SCEL: variants seen among roughly 807,000 people sequenced by gnomAD.
SCEL encodes the protein sciellin.
A neutral mutation model predicts 117.6 loss-of-function variants in SCEL; 113 were observed. The ratio of observed to expected loss-of-function variants is 0.96; its 90% confidence interval spans 0.83 to 1.12. SCEL has a LOEUF of 1.12. SCEL is among the 50% of genes most tolerant of loss of function. The pLI is 0.00. For missense variants in SCEL, 785 were observed against 810.8 expected (o/e 0.97, Z 0.39); for synonymous variants, 270 against 256.2 (o/e 1.05, Z -0.51).
chr13:77,644,287 G>A lies in SCEL; in HGVS notation c.*13G>A, dbSNP rs1444598247. On this transcript the variant is annotated 3_prime_UTR_variant, in exon 33 of 33. Transcript: ENST00000349847. ...GTGGATTCCATAACTCTGGCACAAG[G>A]AAATCAAGATGAAAAGCACTCATTA... is the stretch of plus-strand genomic sequence containing the variant. 1.9e-6 allele frequency: 3 copies of A among 1,612,504 alleles called. No individual in the cohort carries two copies. The highest frequency in any genetic ancestry group is 1.7e-6 in the Non-Finnish European group (2 of 1,178,942).
At chr13:77,557,118 T>C (rs534423077) in intron 3 of SCEL, among the ~76,000 whole-genome samples, 3 of 152,350 alleles carry the variant, frequency 2.0e-5, no homozygotes, top group African/African-American at 7.2e-5. Context: ...AAATTTAACA[T>C]ATAAAATTTT....
intron 5 of SCEL, among the ~76,000 whole-genome samples, chr13:77,565,799 G>C (rs1214825456): frequency 6.6e-6 from 1 of 152,162 alleles, no homozygotes; most frequent in Non-Finnish European, 1.5e-5. Flanking sequence ...AAATAAATGT[G>C]TATGTAGCAT....
rs1182138355 is a variant in SCEL at position 77,559,869 on chromosome 13, T to TA, written c.221+6_221+7insA. On this transcript the variant is annotated splice_region_variant and intron_variant, in intron 4 of 32. Coordinates refer to ENST00000349847, the MANE Select transcript of SCEL (RefSeq NM_144777.3). ...TCCCATGATGCATTGGACAGGTGGG[T>TA]GTTTAGACATGTTACATCATGAGCA... The TA allele has an allele frequency of 1.9e-6, 3 of 1,608,748 alleles. No individual in the cohort carries two copies. The highest frequency in any genetic ancestry group is 2.6e-6 in the Non-Finnish European group (3 of 1,175,430).
intron 18 of SCEL, 98 bp downstream of exon 18, chr13:77,603,233 C>T: frequency 3.1e-6 from 2 of 655,322 alleles, no homozygotes; most frequent in South Asian, 4.5e-5. Flanking sequence ...GTTTTATTAG[C>T]ATGGAATTAG....
chr13:77,539,506 C>T (rs954474442), intron 1 of SCEL, among the ~76,000 whole-genome samples: 1 of 151,864 alleles, frequency 6.6e-6, no homozygotes, highest in Non-Finnish European at 1.5e-5. Flanking sequence ...GTCAAAAGTT[C>T]CAATAGAATA....
intron 4 of SCEL, among the ~76,000 whole-genome samples, chr13:77,562,087 G>A (rs1186791837): frequency 1.3e-5 from 2 of 152,216 alleles, no homozygotes; most frequent in Non-Finnish European, 2.9e-5. Flanking sequence ...AATAGCACCT[G>A]TAGGAGGCCT....
chr13:77,567,815 T>C, intron 6 of SCEL, 67 bp downstream of exon 6: 1 of 962,070 alleles, frequency 1.0e-6, no homozygotes, highest in South Asian at 1.5e-5. Context: ...ACCTATGTAC[T>C]TGCAATTCTT....
chr13:77,641,598 A>G (rs181517173), intron 31 of SCEL, among the ~76,000 whole-genome samples: 28 of 152,298 alleles, frequency 1.8e-4, no homozygotes, highest in Non-Finnish European at 2.8e-4. Context: ...GACCAGCCCC[A>G]GTTAAATCAT....
chr13:77,571,415 G>A (rs957121277), intron 8 of SCEL, among the ~76,000 whole-genome samples: 54 of 149,694 alleles, frequency 3.6e-4, no homozygotes, highest in African/African-American at 1.3e-3. Flanking sequence ...GAAGCTGGGC[G>A]CAGTGGCTCA....
intron 13 of SCEL, among the ~76,000 whole-genome samples, chr13:77,598,256 T>C (rs544035803): frequency 6.6e-6 from 1 of 152,346 alleles, no homozygotes; most frequent in South Asian, 2.1e-4. Context: ...AGGCTTGTGT[T>C]TGTGGTAAGT....
rs941504181 is a variant in SCEL at position 77,644,604 on chromosome 13, T to C, written c.*330T>C. 3.1e-5 allele frequency: 6 copies of C among 194,116 alleles called. No homozygotes were observed. The East Asian group carries it at 7.2e-4, about 23-fold the overall frequency. The allele number at this position is 194,116 out of a possible 1,614,324, so 12.0% of individuals were successfully genotyped here. A position where few individuals can be genotyped will look rare whatever the true frequency, so the allele number is the denominator to read the frequency against. On this transcript the variant is annotated 3_prime_UTR_variant, in exon 33 of 33. Coordinates refer to ENST00000349847, the MANE Select transcript of SCEL (RefSeq NM_144777.3). ...GTGGTGGTTTCCATTTAAACCAAGT[T>C]TCTCATTTCTTCACCTTTTTTTCTC...
intron 8 of SCEL, 49 bp from the exon 9 acceptor site, chr13:77,572,075 G>T (rs749239088): frequency 6.8e-7 from 1 of 1,464,840 alleles, no homozygotes; most frequent in Non-Finnish European, 9.6e-7. Context: ...CATGTGGGTG[G>T]GATCAGCCTT....
intron 18 of SCEL, 173 bp from the exon 19 acceptor site, chr13:77,604,183 G>T (rs1228931524): frequency 9.0e-6 from 4 of 443,180 alleles, no homozygotes; most frequent in South Asian, 4.3e-5. Flanking sequence ...AACATTAAAT[G>T]GTCTTCAGCT....
intron 12 of SCEL, 33 bp downstream of exon 12, chr13:77,593,606 A>T (rs879047875): frequency 6.4e-7 from 1 of 1,563,718 alleles, no homozygotes; most frequent in Admixed American, 1.7e-5. Flanking sequence ...CTTGGGTTTT[A>T]TCTTCCCTGG....
At chr13:77,593,296 GTC>G (rs1491404262) in intron 11 of SCEL, among the ~76,000 whole-genome samples, 24 of 53,598 alleles carry the variant, frequency 4.5e-4, no homozygotes, top group African/African-American at 1.5e-3. Flanking sequence ...GTGTGTGTGT[GTC>G]TGTGTGTGTG....
chr13:77,576,066 T>C (rs1217693071), intron 9 of SCEL, among the ~76,000 whole-genome samples: 3 of 152,180 alleles, frequency 2.0e-5, no homozygotes, highest in Non-Finnish European at 4.4e-5. Context: ...GATAGCCTAA[T>C]CTTACAAACC....
intron 27 of SCEL, among the ~76,000 whole-genome samples, chr13:77,619,305 C>T (rs2089278301): frequency 6.6e-6 from 1 of 152,130 alleles, no homozygotes; most frequent in Non-Finnish European, 1.5e-5. Flanking sequence ...AATTCATGTA[C>T]ATTTAATCTT....
Position 77,589,157 on chromosome 13 carries a change from C to A in SCEL, c.559C>A (p.His187Asn). 6.2e-7 allele frequency: 1 copy of A among 1,612,562 alleles called. No individual in the cohort carries two copies. Among genetic ancestry groups the A allele is most frequent in the South Asian group, 1.1e-5 (1 of 91,026 alleles). The change falls in exon 10 of 33, where the codon CAC becomes AAC. Residue 187 changes from histidine (H) to asparagine (N), a missense_variant. Transcript: ENST00000349847. Reference sequence around the variant, plus strand: ...TCTGTTTTAAAGGGAACCAGGTGTTCACCCTCCAATACCTCCAAAGCCCAG... The same window carrying A: ...TCTGTTTTAAAGGGAACCAGGTGTTAACCCTCCAATACCTCCAAAGCCCAG... ...TGTRRREPGV[H>N]PPIPPKPSSP...
At chr13:77,591,553 G>A in intron 11 of SCEL, 93 bp downstream of exon 11, 3 of 720,310 alleles carry the variant, frequency 4.2e-6, no homozygotes, top group Non-Finnish European at 4.7e-6. Flanking sequence ...TTAATAATAA[G>A]GTAGACAAAA....
Sources: gnomAD v4.1 joint callset for allele counts (sites outside exome capture counted in the v4.1 genomes callset) on GRCh38, gnomAD v4.1.1 for gene constraint, MANE v1.5 for transcripts, NCBI Gene and HGNC (gene_info 2026-07-23, HGNC 2026-07-21) for gene names.